The following CNTN4 variants were observed in gnomAD, a reference collection of about 807,000 sequenced individuals.
CNTN4 encodes contactin-4.
In CNTN4, 77 loss-of-function variants were observed where a neutral mutation model predicts 122.5. The ratio of observed to expected loss-of-function variants is 0.63; its 90% CI spans 0.52 to 0.76. The LOEUF (loss-of-function observed/expected upper bound fraction) is 0.76, where lower values mean the gene tolerates loss of function less well. CNTN4 is among the 30% of genes least tolerant of loss of function. CNTN4 has a pLI of 0.00. For missense variants in CNTN4, 1,256 were observed against 1,259.1 expected, an observed-to-expected ratio of 1.00 and a Z score of 0.04; for synonymous variants, 512 against 447.0, an observed-to-expected ratio of 1.15 and a Z score of -1.83.
chr3:2,875,367 G>C (rs2093832079), intron 8 of CNTN4, among the ~76,000 whole-genome samples: 1 of 152,126 alleles, frequency 6.6e-6, no homozygotes, highest in Non-Finnish European at 1.5e-5. Flanking sequence ...TTCAGTATTT[G>C]GCAAGCTTGC....
At chr3:3,045,848 C>T (rs1700590372) in intron 23 of CNTN4, among the ~76,000 whole-genome samples, 1 of 152,120 alleles carries the variant, frequency 6.6e-6, no homozygotes, top group African/African-American at 2.4e-5. Context: ...GGAGGAAGTT[C>T]GAACCCATCC....
chr3:3,034,818 A>T (rs549184099), intron 17 of CNTN4, 28 bp downstream of exon 17: 2 of 1,612,900 alleles, frequency 1.2e-6, no homozygotes, highest in South Asian at 2.2e-5. Context: ...TGGCTCAGAG[A>T]CATTGGGAAC....
At chr3:2,733,539 T>TG (rs1553623977) in intron 4 of CNTN4, among the ~76,000 whole-genome samples, 6 of 138,120 alleles carry the variant, frequency 4.3e-5, no homozygotes, top group Admixed American at 3.1e-4. Context: ...TGTGTTTTTT[T>TG]TTTTTTTTTT....
chr3:2,524,804 G>GTTT (rs2077342977), intron 3 of CNTN4, among the ~76,000 whole-genome samples: 2 of 152,038 alleles, frequency 1.3e-5, no homozygotes, highest in African/African-American at 4.8e-5. Context: ...TGCTTATTAA[G>GTTT]ACCATGATAA....
intron 23 of CNTN4, among the ~76,000 whole-genome samples, chr3:3,052,745 C>T (rs1559841341): frequency 6.6e-6 from 1 of 152,192 alleles, no homozygotes. Flanking sequence ...AGGACTGTTG[C>T]AAGCTGCAGA....
chr3:2,516,359 T>C (rs943628871), intron 3 of CNTN4, among the ~76,000 whole-genome samples: 3 of 152,102 alleles, frequency 2.0e-5, no homozygotes, highest in African/African-American at 7.2e-5. Context: ...AGGAACTATT[T>C]CAATGCAAAC....
At chr3:2,961,380 G>A (rs147696798) in intron 13 of CNTN4, among the ~76,000 whole-genome samples, 1 of 151,750 alleles carries the variant, frequency 6.6e-6, no homozygotes, top group African/African-American at 2.4e-5. Context: ...GAGTTTGGGG[G>A]TTGTATGTTA....
chr3:2,891,679 G>A (rs1389938481), intron 10 of CNTN4, among the ~76,000 whole-genome samples: 3 of 152,160 alleles, frequency 2.0e-5, no homozygotes, highest in African/African-American at 2.4e-5. Context: ...TATGCAGCAG[G>A]GAAGTCAGTG....
chr3:2,505,464 C>A (rs947601955), intron 3 of CNTN4, among the ~76,000 whole-genome samples: 2 of 152,126 alleles, frequency 1.3e-5, no homozygotes, highest in Non-Finnish European at 2.9e-5. Context: ...AACTTAATTA[C>A]ATTTTATGTG....
rs189999461 is a variant in CNTN4 at position 2,660,835 on chromosome 3, G to A, written c.56-75380G>A. ...ACTGATGCCCAGCACGTCAGAGCAG[G>A]ACAAAGAATCAGAGGCAATTTAATC... On this transcript the variant is annotated intron_variant, in intron 4 of 24. Transcript: ENST00000418658. Among the ~76,000 whole-genome samples, 123 of 152,316 alleles carry A rather than the reference G, an allele frequency of 8.1e-4. 2 individuals are homozygous for A. Among genetic ancestry groups the A allele is most frequent in the Admixed American group, 6.1e-3 (93 of 15,298 alleles).
Position 2,889,389 on chromosome 3 carries a change from T to A in CNTN4, c.940+2165T>A, listed in dbSNP as rs953089681. ...ACTCTCCTCATGCCAGATGACAGAC[T>A]TGATATTTAATCTTTGCTTTCCTCT... On this transcript the variant is annotated intron_variant, in intron 10 of 24. Coordinates refer to ENST00000418658, the MANE Select transcript of CNTN4 (RefSeq NM_175607.3). 5.3e-5 allele frequency among the ~76,000 whole-genome samples: 8 copies of A among 152,358 alleles called. 1 individual carries two copies. Among genetic ancestry groups the A allele is most frequent in the East Asian group, 3.9e-4 (2 of 5,180 alleles).
intron 2 of CNTN4, among the ~76,000 whole-genome samples, chr3:2,128,776 G>T (rs1419778120): frequency 6.6e-6 from 1 of 152,220 alleles, no homozygotes; most frequent in African/African-American, 2.4e-5. Flanking sequence ...CATTTGCACA[G>T]GGGTGAGATG....
intron 14 of CNTN4, among the ~76,000 whole-genome samples, chr3:2,991,273 G>A (rs968872408): frequency 1.3e-5 from 2 of 152,276 alleles, no homozygotes; most frequent in East Asian, 3.9e-4. Flanking sequence ...TACAAAAAGA[G>A]GAAGGCAGGG....
chr3:2,583,769 G>A (rs2080053247), intron 4 of CNTN4, among the ~76,000 whole-genome samples: 1 of 151,940 alleles, frequency 6.6e-6, no homozygotes, highest in Admixed American at 6.6e-5. Flanking sequence ...ATATTATTGG[G>A]TACTGATAGA....
chr3:2,747,366 G>T (rs1244891832), intron 6 of CNTN4, among the ~76,000 whole-genome samples: 1 of 150,192 alleles, frequency 6.7e-6, no homozygotes, highest in African/African-American at 2.5e-5. Context: ...CCGAGATGGC[G>T]CCACTGGACT....
intron 2 of CNTN4, among the ~76,000 whole-genome samples, chr3:2,209,099 A>G (rs2038492201): frequency 6.6e-6 from 1 of 152,196 alleles, no homozygotes; most frequent in African/African-American, 2.4e-5. Context: ...ATAGCCCCCC[A>G]AATCTCAGTG....
intron 7 of CNTN4, among the ~76,000 whole-genome samples, chr3:2,851,785 A>C (rs79972206): frequency 0.012 from 1,815 of 152,328 alleles, 32 homozygotes; most frequent in African/African-American, 0.042. Context: ...GTAAAAGAAA[A>C]GATCATCAGG....
intron 12 of CNTN4, among the ~76,000 whole-genome samples, chr3:2,921,816 A>T (rs2094432259): frequency 6.6e-6 from 1 of 152,200 alleles, no homozygotes; most frequent in Non-Finnish European, 1.5e-5. Flanking sequence ...ACACTAAAGC[A>T]AAAAACTTTT....
intron 4 of CNTN4, among the ~76,000 whole-genome samples, chr3:2,698,836 C>T (rs944406257): frequency 6.6e-6 from 1 of 152,088 alleles, no homozygotes; most frequent in African/African-American, 2.4e-5. Flanking sequence ...TGGCCAACTT[C>T]GTGAAACTCT....
Sources: allele counts gnomAD v4.1 joint callset (sites outside exome capture counted in the v4.1 genomes callset), GRCh38; gene constraint gnomAD v4.1.1; transcripts MANE v1.5; gene names NCBI Gene and HGNC (gene_info 2026-07-23, HGNC 2026-07-21).